The following ARFGEF3 variants were observed in gnomAD, a reference collection of about 807,000 sequenced individuals.
The protein encoded by ARFGEF3 is brefeldin A-inhibited guanine nucleotide-exchange protein 3.
In ARFGEF3, 96 loss-of-function variants were observed where a neutral mutation model predicts 221.7. The observed-to-expected ratio is 0.43, with a 90% CI of 0.37 to 0.51. The LOEUF is 0.51. ARFGEF3 is among the 20% of genes least tolerant of loss of function. The pLI is 0.00. For synonymous variants in ARFGEF3, 1,145 were observed against 1,126.8 expected, an observed-to-expected ratio of 1.02 and a Z score of -0.32; for missense variants, 2,410 against 2,789.9, an observed-to-expected ratio of 0.86 and a Z score of 3.07.
rs1424557747 is a variant in ARFGEF3 at position 138,291,874 on chromosome 6, CGAGCACAGCCCGGAGCAGGGGCGCTCCCT to C, written c.3196_3224del (p.Ser1066GlyfsTer51). The C allele has an allele frequency of 6.7e-7, 1 of 1,498,904 alleles. No individual in the cohort carries two copies. The highest frequency in any genetic ancestry group is 2.2e-5 in the Admixed American group (1 of 45,650). 92.9% of individuals were successfully genotyped at this position (1,498,904 alleles called of 1,614,324 possible). On this transcript the variant is annotated frameshift_variant, in exon 19 of 34. Coordinates refer to ENST00000251691, the MANE Select transcript of ARFGEF3 (RefSeq NM_020340.5). LOFTEE classifies it high-confidence loss of function. This position sits in a 1 kb window ranked among gnomAD's most constrained non-coding sequence, Gnocchi z 4.5. ...ACCCCGAGTGTGAGGGCTCGCCCCC[CGAGCACAGCCCGGAGCAGGGGCGCTCCCT>C]GAGCACGGCCCCTGTCGTCCAGCCC...
intron 14 of ARFGEF3, 73 bp from the exon 15 acceptor site, chr6:138,285,873 T>A: frequency 1.2e-6 from 1 of 822,922 alleles, no homozygotes; most frequent in Non-Finnish European, 2.1e-6. Context: ...AAAATGAATA[T>A]TGTGGTGGCC....
At chr6:138,285,669 T>G (rs1489091017) in intron 14 of ARFGEF3, among the ~76,000 whole-genome samples, 1 of 152,120 alleles carries the variant, frequency 6.6e-6, no homozygotes, top group Non-Finnish European at 1.5e-5. Flanking sequence ...TCTAAATCAA[T>G]AGATTTTCTA....
intron 2 of ARFGEF3, among the ~76,000 whole-genome samples, chr6:138,172,607 G>C (rs185712453): frequency 1.4e-4 from 22 of 152,292 alleles, no homozygotes; most frequent in Non-Finnish European, 2.8e-4. Context: ...GGAGCTATAA[G>C]ATGATAGATG....
chr6:138,235,312 C>T (rs1778265862), intron 5 of ARFGEF3, among the ~76,000 whole-genome samples: 1 of 152,188 alleles, frequency 6.6e-6, no homozygotes, highest in Non-Finnish European at 1.5e-5. Context: ...CCCTTATAAT[C>T]TCCTCACTGC....
chr6:138,317,412 T>G, intron 27 of ARFGEF3, 33 bp downstream of exon 27: 1 of 1,612,638 alleles, frequency 6.2e-7, no homozygotes, highest in Non-Finnish European at 8.5e-7. Context: ...TTTGGGGGAG[T>G]GGTTATACAT....
At chr6:138,254,206 C>G (rs1461354634) in intron 9 of ARFGEF3, among the ~76,000 whole-genome samples, 1 of 152,012 alleles carries the variant, frequency 6.6e-6, no homozygotes, top group Non-Finnish European at 1.5e-5. Context: ...TGCTTGAGGC[C>G]AGGAGCTCGA....
intron 27 of ARFGEF3, among the ~76,000 whole-genome samples, chr6:138,318,842 A>G (rs1172891655): frequency 6.6e-6 from 1 of 152,212 alleles, no homozygotes; most frequent in Admixed American, 6.5e-5. Flanking sequence ...AATTAGAAAC[A>G]CCTTAAATAT....
chr6:138,247,662 C>G (rs1386944647), intron 8 of ARFGEF3, among the ~76,000 whole-genome samples: 1 of 152,240 alleles, frequency 6.6e-6, no homozygotes, highest in Non-Finnish European at 1.5e-5. Context: ...TTGCCCCTTA[C>G]TGGCATGTGA....
At chr6:138,310,243 G>C (rs959759095) in intron 24 of ARFGEF3, among the ~76,000 whole-genome samples, 1 of 152,172 alleles carries the variant, frequency 6.6e-6, no homozygotes, top group African/African-American at 2.4e-5. Flanking sequence ...TGTAATCGTG[G>C]ATAGGAAATG....
chr6:138,255,400 G>A (rs201038074), intron 9 of ARFGEF3, 36 bp from the exon 10 acceptor site: 61 of 1,476,406 alleles, frequency 4.1e-5, no homozygotes, highest in Admixed American at 7.6e-5. Context: ...CATTTGGCTC[G>A]TGGGGAAAGT....
intron 12 of ARFGEF3, among the ~76,000 whole-genome samples, chr6:138,263,837 T>G (rs1358606665): frequency 6.6e-6 from 1 of 152,210 alleles, no homozygotes; most frequent in Non-Finnish European, 1.5e-5. Flanking sequence ...CTGATAAATG[T>G]ATAGGATGTA....
chr6:138,317,127 C>T, intron 26 of ARFGEF3, 124 bp from the exon 27 acceptor site: 2 of 974,654 alleles, frequency 2.1e-6, no homozygotes, highest in Non-Finnish European at 3.0e-6. Context: ...AGGCTAACAA[C>T]ACTGGGTGAT....
At chr6:138,195,242 G>A (rs1173579293) in intron 2 of ARFGEF3, among the ~76,000 whole-genome samples, 3 of 151,884 alleles carry the variant, frequency 2.0e-5, no homozygotes, top group Non-Finnish European at 4.4e-5. Flanking sequence ...GACCTCAGAT[G>A]ATCTGCCCTC....
Position 138,330,777 on chromosome 6 carries a change from T to C in ARFGEF3, c.5123+2635T>C, listed in dbSNP as rs570383275. 9.2e-5 allele frequency among the ~76,000 whole-genome samples: 14 copies of C among 152,344 alleles called. No individual in the cohort carries two copies. The South Asian group carries it at 2.9e-3, about 32-fold the overall frequency. ...AGGTAATAATTTTTGGGGTCAATTA[T>C]TGGTACATACCAAAAAAATGTGGAA... On this transcript the variant is annotated intron_variant, in intron 32 of 33. Transcript: ENST00000251691.
intron 5 of ARFGEF3, among the ~76,000 whole-genome samples, chr6:138,231,894 C>A (rs1415166080): frequency 1.3e-5 from 2 of 152,148 alleles, no homozygotes; most frequent in East Asian, 3.8e-4. Context: ...ATTTGTGTAT[C>A]TAAATTTAAC....
At chr6:138,320,472 A>G (rs927096248) in intron 28 of ARFGEF3, among the ~76,000 whole-genome samples, 1 of 152,248 alleles carries the variant, frequency 6.6e-6, no homozygotes, top group Non-Finnish European at 1.5e-5. Flanking sequence ...CTGTGGTCCC[A>G]GTGGAGCCAC....
rs571846635 is a variant in ARFGEF3 at position 138,183,206 on chromosome 6, C to A, written c.137+12493C>A. The stretch of plus-strand genomic sequence containing the variant: ...AACACAGAGGACACCCAGGACTGAG[C>A]AGGTGGGAGGGCTGCTGGATTTACC... On this transcript the variant is annotated intron_variant, in intron 2 of 33. Coordinates refer to ENST00000251691, the MANE Select transcript of ARFGEF3 (RefSeq NM_020340.5). 2.1e-4 allele frequency among the ~76,000 whole-genome samples: 32 copies of A among 152,136 alleles called. No homozygotes were observed. The East Asian group carries it at 5.0e-3, about 24-fold the overall frequency.
intron 21 of ARFGEF3, 78 bp from the exon 22 acceptor site, chr6:138,298,528 T>G: frequency 8.9e-7 from 1 of 1,120,056 alleles, no homozygotes; most frequent in South Asian, 1.6e-5. Flanking sequence ...TGTAATGAGG[T>G]GGGGTAGGAA....
At chr6:138,206,781 G>A (rs1180860528) in intron 2 of ARFGEF3, among the ~76,000 whole-genome samples, 2 of 152,184 alleles carry the variant, frequency 1.3e-5, no homozygotes, top group Non-Finnish European at 2.9e-5. Context: ...GTACTAATGA[G>A]TGTACCAGGT....
Sources: gnomAD v4.1 joint callset for allele counts (sites outside exome capture counted in the v4.1 genomes callset) on GRCh38, gnomAD v4.1.1 for gene constraint, Gnocchi (gnomAD v3.1) non-coding constraint, MANE v1.5 for transcripts, NCBI Gene and HGNC (gene_info 2026-07-23, HGNC 2026-07-21) for gene names.